Variants in CTNNA2 observed in about 807,000 individuals in gnomAD.
The protein encoded by CTNNA2 is catenin alpha-2.
CTNNA2 carries 42 observed loss-of-function variants against 101.0 expected under a neutral mutation model. That is an observed-to-expected ratio of 0.42 (90% CI 0.32 to 0.54). The LOEUF is 0.54. Among genes scored for constraint, CTNNA2 ranks in the 20% least tolerant of loss-of-function variants. The pLI is 0.14. For missense variants in CTNNA2, 871 were observed against 1,223.1 expected (o/e 0.71, Z 4.29); for synonymous variants, 450 against 456.4 (o/e 0.99, Z 0.18).
intron 7 of CTNNA2, among the ~76,000 whole-genome samples, chr2:80,258,097 G>A (rs545037555): frequency 1.3e-5 from 2 of 152,308 alleles, no homozygotes; most frequent in African/African-American, 4.8e-5. Flanking sequence ...TTCACAATAT[G>A]TTTCTAACAG....
chr2:79,614,986 T>C (rs1404790749), intron 1 of CTNNA2, among the ~76,000 whole-genome samples: 1 of 152,210 alleles, frequency 6.6e-6, no homozygotes, highest in Non-Finnish European at 1.5e-5. Flanking sequence ...TGACTAGCCC[T>C]AAATACTCTG....
chr2:79,786,224 T>C lies in CTNNA2; in HGVS notation c.298+41642T>C, dbSNP rs145848820. Among the ~76,000 whole-genome samples the C allele has an allele frequency of 5.3e-3, 803 of 152,232 alleles. 3 individuals are homozygous for C. The highest frequency in any genetic ancestry group is 0.024 in the Middle Eastern group (7 of 294). On this transcript the variant is annotated intron_variant, in intron 3 of 18. Transcript: ENST00000402739. ...AGTAGAAAAGCAGAATAAAGAATAG[T>C]AAGTAGACATGGTTTTTTTTTATTT...
At chr2:80,148,955 C>G (rs1313911709) in intron 7 of CTNNA2, among the ~76,000 whole-genome samples, 4 of 151,676 alleles carry the variant, frequency 2.6e-5, no homozygotes, top group Admixed American at 2.6e-4. Context: ...CACTGCTGAC[C>G]AAACTGGAAT....
intron 1 of CTNNA2, among the ~76,000 whole-genome samples, chr2:79,629,079 C>G (rs1679512509): frequency 6.6e-6 from 1 of 152,178 alleles, no homozygotes; most frequent in African/African-American, 2.4e-5. Flanking sequence ...TCCTTCCCCA[C>G]TCTCCACTTC....
chr2:80,002,938 G>T (rs1693060486), intron 7 of CTNNA2, among the ~76,000 whole-genome samples: 2 of 151,946 alleles, frequency 1.3e-5, no homozygotes, highest in Non-Finnish European at 2.9e-5. Context: ...TTTTATACAC[G>T]CTGGGATGCT....
At chr2:79,812,778 G>T (rs2105345124) in intron 3 of CTNNA2, among the ~76,000 whole-genome samples, 1 of 152,246 alleles carries the variant, frequency 6.6e-6, no homozygotes, top group African/African-American at 2.4e-5. Context: ...CAACCTGAGA[G>T]ACCTGCTGGG....
chr2:79,281,839 C>G (rs1236246498), intron 2 of CTNNA2, among the ~76,000 whole-genome samples: 1 of 152,134 alleles, frequency 6.6e-6, no homozygotes, highest in Admixed American at 6.6e-5. Flanking sequence ...GGCATAGATT[C>G]CAGGAGCATG....
At chr2:79,860,124 G>A (rs560121618) in intron 4 of CTNNA2, among the ~76,000 whole-genome samples, 1 of 152,254 alleles carries the variant, frequency 6.6e-6, no homozygotes, top group East Asian at 1.9e-4. Context: ...CAAGCATGTT[G>A]GAAGAAAGGT....
At chr2:79,367,852 G>C (rs1677783212) in intron 3 of CTNNA2, among the ~76,000 whole-genome samples, 1 of 152,148 alleles carries the variant, frequency 6.6e-6, no homozygotes, top group Non-Finnish European at 1.5e-5. Context: ...AATTACTCTG[G>C]TGAGAGAGGT....
At chr2:79,259,255 T>C (rs867580542) in intron 2 of CTNNA2, among the ~76,000 whole-genome samples, 13 of 152,208 alleles carry the variant, frequency 8.5e-5, no homozygotes, top group Admixed American at 4.6e-4. Flanking sequence ...CCTGAGCAGA[T>C]GAGGGGGCAT....
intron 7 of CTNNA2, among the ~76,000 whole-genome samples, chr2:80,119,567 T>C (rs142249740): frequency 3.3e-4 from 51 of 152,290 alleles, no homozygotes; most frequent in African/African-American, 1.2e-3. Context: ...ATCAGCCTCA[T>C]TGACTTTGAA....
chr2:79,651,797 G>A (rs1484294591), intron 2 of CTNNA2, 139 bp downstream of exon 2: 43 of 692,418 alleles, frequency 6.2e-5, no homozygotes, highest in Admixed American at 1.1e-4. Context: ...ATTACTGCCT[G>A]AACTATGGGC....
At chr2:80,260,256 G>T (rs556199011) in intron 7 of CTNNA2, among the ~76,000 whole-genome samples, 12 of 152,232 alleles carry the variant, frequency 7.9e-5, no homozygotes, top group Admixed American at 4.6e-4. Flanking sequence ...AATAAGCAAC[G>T]ACCTGGAAGA....
At chr2:79,929,700 T>C (rs1003957761) in intron 7 of CTNNA2, among the ~76,000 whole-genome samples, 2 of 152,222 alleles carry the variant, frequency 1.3e-5, no homozygotes, top group African/African-American at 2.4e-5. Context: ...CCTTGTATTC[T>C]ACTTGTCTAG....
chr2:80,555,651 G>T, intron 11 of CTNNA2, 42 bp from the exon 12 acceptor site: 1 of 1,236,342 alleles, frequency 8.1e-7, no homozygotes. Flanking sequence ...TAAGTTCTGA[G>T]TTATGTAAAG....
At chr2:80,064,786 T>C (rs1277330430) in intron 7 of CTNNA2, among the ~76,000 whole-genome samples, 1 of 152,200 alleles carries the variant, frequency 6.6e-6, no homozygotes, top group East Asian at 1.9e-4. Flanking sequence ...TAATGTCCAA[T>C]TGACCAAACA....
chr2:79,587,965 A>G (rs879453527), intron 1 of CTNNA2, among the ~76,000 whole-genome samples: 5 of 152,232 alleles, frequency 3.3e-5, no homozygotes, highest in Non-Finnish European at 5.9e-5. Context: ...TTATCTTGTG[A>G]TTCCTAGATT....
intron 2 of CTNNA2, among the ~76,000 whole-genome samples, chr2:79,673,558 A>G (rs1312078357): frequency 6.6e-6 from 1 of 152,228 alleles, no homozygotes; most frequent in Non-Finnish European, 1.5e-5. Context: ...TCCTCTGTGA[A>G]TACAAAATAA....
intron 3 of CTNNA2, among the ~76,000 whole-genome samples, chr2:79,331,962 G>A (rs1232277827): frequency 8.5e-5 from 13 of 152,140 alleles, no homozygotes; most frequent in Admixed American, 8.5e-4. Flanking sequence ...GATTAGAATT[G>A]TCTGACCATA....
Sources: allele counts gnomAD v4.1 joint callset (sites outside exome capture counted in the v4.1 genomes callset), GRCh38; gene constraint gnomAD v4.1.1; transcripts MANE v1.5; gene names NCBI Gene and HGNC (gene_info 2026-07-23, HGNC 2026-07-21).